RPRD1A: variants seen among roughly 807,000 people sequenced by gnomAD.
RPRD1A encodes the protein regulation of nuclear pre-mRNA domain-containing protein 1A.
A neutral mutation model predicts 37.8 loss-of-function variants in RPRD1A; 9 were observed. The ratio of observed to expected loss-of-function variants is 0.24; its 90% CI spans 0.14 to 0.42. RPRD1A has a LOEUF of 0.42. RPRD1A is among the 10% of genes least tolerant of loss of function. The pLI, the probability that RPRD1A is intolerant of heterozygous loss-of-function variation, is 1.00. For missense variants in RPRD1A, 255 were observed against 371.0 expected, an observed-to-expected ratio of 0.69 and a Z score of 2.57; for synonymous variants, 138 against 139.7, an observed-to-expected ratio of 0.99 and a Z score of 0.08.
At chr18:36,008,589 A>ATATATATATATATATC (rs71381561) in intron 6 of RPRD1A, among the ~76,000 whole-genome samples, 1,362 of 90,658 alleles carry the variant, frequency 0.015, 208 homozygotes, top group Non-Finnish European at 0.02. Context: ...ATATATATAT[A>ATATATATATATATATC]TCTTTAAAAA....
At chr18:36,013,258 A>T (rs1443984090) in intron 6 of RPRD1A, among the ~76,000 whole-genome samples, 1 of 152,226 alleles carries the variant, frequency 6.6e-6, no homozygotes, top group East Asian at 1.9e-4. Flanking sequence ...AACATTAGAC[A>T]AGCAGAGTTC....
At chr18:36,062,730 T>C (rs1205159196) in intron 1 of RPRD1A, among the ~76,000 whole-genome samples, 1 of 152,070 alleles carries the variant, frequency 6.6e-6, no homozygotes, top group East Asian at 1.9e-4. Flanking sequence ...TATGAAATGG[T>C]AAAAATAGTC....
intron 1 of RPRD1A, among the ~76,000 whole-genome samples, chr18:36,060,712 G>T (rs532725013): frequency 1.7e-4 from 26 of 152,134 alleles, no homozygotes; most frequent in Non-Finnish European, 3.7e-4. Context: ...ATATAAAATG[G>T]TAATTAGTTC....
rs184776812 is a variant in RPRD1A, at chr18:36,009,007, G to C, written c.790-15707C>G. Among the ~76,000 whole-genome samples the C allele has an allele frequency of 1.7e-4, 26 of 152,180 alleles. No homozygotes were observed. In the East Asian group the frequency reaches 5.0e-3, roughly 29 times the overall value. ...TAACTGGGTATGGGAGTAGGGAGAG[G>C]AAACTCTAGATATTCAGGCATTTTC... On this transcript the variant is annotated intron_variant, in intron 6 of 6. Coordinates refer to ENST00000399022, the MANE Select transcript of RPRD1A (RefSeq NM_018170.5).
At chr18:36,027,531 A>C in intron 4 of RPRD1A, 1 of 453,236 alleles carries the variant, frequency 2.2e-6, no homozygotes, top group Non-Finnish European at 3.9e-6. Context: ...CTAGACCTTG[A>C]AGAGAGCTTA....
chr18:36,055,093 G>A (rs747553319), intron 1 of RPRD1A, among the ~76,000 whole-genome samples: 25 of 152,196 alleles, frequency 1.6e-4, no homozygotes, highest in Admixed American at 6.5e-4. Flanking sequence ...CTGTTGCCCA[G>A]TCAAGTTGAC....
chr18:36,004,000 CTTTTTTT>C (rs34397005), intron 6 of RPRD1A, among the ~76,000 whole-genome samples: 1,152 of 85,190 alleles, frequency 0.014, 18 homozygotes, highest in African/African-American at 0.052. Context: ...CAGACACAGA[CTTTTTTT>C]TTTTTTTTTT....
chr18:36,040,120 T>C (rs1448788582), intron 1 of RPRD1A, among the ~76,000 whole-genome samples: 1 of 152,202 alleles, frequency 6.6e-6, no homozygotes, highest in Non-Finnish European at 1.5e-5. Flanking sequence ...TATACACATA[T>C]TAAATCCTCA....
intron 6 of RPRD1A, among the ~76,000 whole-genome samples, chr18:35,996,194 G>C (rs1909044842): frequency 6.6e-6 from 1 of 152,186 alleles, no homozygotes; most frequent in African/African-American, 2.4e-5. Flanking sequence ...AACTGGATGT[G>C]AAGTGTATGA....
rs764737017 is a variant in RPRD1A, at chr18:35,993,175, C to T, written c.915G>A (p.Ala305=). ...ATCAATCTTCACTGTAGATGTCTCC[C>T]GCAAAGGGCAGGTGCATGTGGCTGC... ...VTGSHMHLPF[A]GDIYSED is the part of the protein sequence containing the mutation. Residue 305 remains alanine, a synonymous_variant, in exon 7 of 7, where the codon GCG becomes GCA. Coordinates refer to ENST00000399022, the MANE Select transcript of RPRD1A (RefSeq NM_018170.5). 6.2e-6 allele frequency: 10 copies of T among 1,613,922 alleles called. No homozygotes were observed. The highest frequency in any genetic ancestry group is 2.7e-5 in the African/African-American group (2 of 74,914).
intron 6 of RPRD1A, chr18:36,024,959 A>T (rs780929070): frequency 6.6e-6 from 1 of 152,240 alleles, no homozygotes; most frequent in African/African-American, 2.4e-5. Flanking sequence ...AGCTGAACAT[A>T]ATTGAGGTGA....
chr18:36,003,964 T>TGGAGAG (rs1022406818), intron 6 of RPRD1A, among the ~76,000 whole-genome samples: 1 of 147,874 alleles, frequency 6.8e-6, no homozygotes, highest in Non-Finnish European at 1.5e-5. Context: ...ACACCACACT[T>TGGAGAG]GGAGAGGGAG....
At chr18:36,066,349 G>A (rs1407917382) in intron 1 of RPRD1A, among the ~76,000 whole-genome samples, 2 of 152,040 alleles carry the variant, frequency 1.3e-5, no homozygotes, top group Non-Finnish European at 2.9e-5. Flanking sequence ...GATTAATAAC[G>A]GTTAAAACCT....
At chr18:36,048,355 C>T (rs1016168840) in intron 1 of RPRD1A, among the ~76,000 whole-genome samples, 5 of 151,962 alleles carry the variant, frequency 3.3e-5, no homozygotes, top group African/African-American at 1.2e-4. Flanking sequence ...CGTGAGCCAC[C>T]GCACCCGGCC....
chr18:36,051,705 A>G (rs1171414301), intron 1 of RPRD1A, among the ~76,000 whole-genome samples: 2 of 151,702 alleles, frequency 1.3e-5, no homozygotes, highest in African/African-American at 2.4e-5. Flanking sequence ...GATAAATGCT[A>G]TAATAACAAC....
intron 1 of RPRD1A, among the ~76,000 whole-genome samples, chr18:36,039,709 CTG>C (rs755189764): frequency 2.6e-5 from 4 of 152,112 alleles, no homozygotes; most frequent in Non-Finnish European, 4.4e-5. Context: ...TTTATGAAGA[CTG>C]AATTTAAAAC....
chr18:36,067,499 C>T lies in RPRD1A; in HGVS notation c.-95G>A. On this transcript the variant is annotated 5_prime_UTR_variant, in exon 1 of 7. Transcript: ENST00000399022. ...TGCGGCCTCGCCCCCTCACCCCACC[C>T]TTCCCCACGCTCTCACCACGGCCGC... 5.4e-6 allele frequency: 7 copies of T among 1,297,956 alleles called. No homozygotes were observed. The highest frequency in any genetic ancestry group is 6.3e-6 in the Non-Finnish European group (6 of 946,750). 80.4% of individuals were successfully genotyped at this position (1,297,956 alleles called of 1,614,324 possible).
chr18:35,993,321 C>T (rs1204229878), intron 6 of RPRD1A, 21 bp from the exon 7 acceptor site: 2 of 1,613,164 alleles, frequency 1.2e-6, no homozygotes, highest in Non-Finnish European at 1.7e-6. Context: ...AAACCACTTT[C>T]ATTAGCATTC....
intron 1 of RPRD1A, among the ~76,000 whole-genome samples, chr18:36,048,766 G>A (rs1296539855): frequency 1.3e-5 from 2 of 152,010 alleles, no homozygotes; most frequent in African/African-American, 2.4e-5. Flanking sequence ...CATGGTGCTG[G>A]AAATTCTAGC....
Sources: allele counts gnomAD v4.1 joint callset (sites outside exome capture counted in the v4.1 genomes callset), GRCh38; gene constraint gnomAD v4.1.1; transcripts MANE v1.5; gene names NCBI Gene and HGNC (gene_info 2026-07-23, HGNC 2026-07-21).